Variants in CLYBL observed in about 807,000 individuals in gnomAD.
CLYBL encodes citramalyl-CoA lyase, mitochondrial.
Under a neutral mutation model 38.9 loss-of-function variants are expected in CLYBL, and 31 were observed. That is an observed-to-expected ratio of 0.80 (90% confidence interval 0.60 to 1.08). The LOEUF is 1.08. Ranked by LOEUF, CLYBL falls within the 50% of genes least tolerant of loss-of-function variation. The pLI, the probability that CLYBL is intolerant of heterozygous loss-of-function variation, is 0.00. For synonymous variants in CLYBL, 171 were observed against 158.6 expected, an observed-to-expected ratio of 1.08 and a Z score of -0.59; for missense variants, 434 against 411.6, an observed-to-expected ratio of 1.05 and a Z score of -0.47.
intron 2 of CLYBL, among the ~76,000 whole-genome samples, chr13:99,801,169 G>A (rs1172527466): frequency 6.6e-6 from 1 of 152,200 alleles, no homozygotes; most frequent in African/African-American, 2.4e-5. Context: ...CCCTGTTGGA[G>A]TGCCCCAGTC....
intron 7 of CLYBL, among the ~76,000 whole-genome samples, chr13:99,884,148 C>G (rs190492533): frequency 6.6e-6 from 1 of 152,122 alleles, no homozygotes; most frequent in African/African-American, 2.4e-5. Context: ...ACACTGGCCC[C>G]GACATTACCA....
At chr13:99,788,958 G>T (rs1037204447) in intron 2 of CLYBL, among the ~76,000 whole-genome samples, 1 of 151,604 alleles carries the variant, frequency 6.6e-6, no homozygotes, top group Non-Finnish European at 1.5e-5. Context: ...GAATTTATCC[G>T]TTTCTTCTAG....
intron 7 of CLYBL, among the ~76,000 whole-genome samples, chr13:99,888,223 A>G (rs1594248404): frequency 6.6e-6 from 1 of 152,152 alleles, no homozygotes; most frequent in South Asian, 2.1e-4. Context: ...TAGAGTTAAC[A>G]CTACTGAACT....
chr13:99,756,476 C>T (rs962470809), intron 1 of CLYBL, among the ~76,000 whole-genome samples: 4 of 152,136 alleles, frequency 2.6e-5, no homozygotes, highest in African/African-American at 9.7e-5. Context: ...GGAATGTGGC[C>T]TGGTGTTTTA....
rs561902550 is a variant in CLYBL, at chr13:99,715,031, T to C, written c.63-57793T>C. ...TGTGTATGGAACTGATGGGCCTCACTGTAAGGTTATCAGCTGGGGGCCCAC... is the reference window on the plus strand; with the variant it reads ...TGTGTATGGAACTGATGGGCCTCACCGTAAGGTTATCAGCTGGGGGCCCAC... On this transcript the variant is annotated intron_variant, in intron 1 of 8. Transcript: ENST00000339105. Among the ~76,000 whole-genome samples, 3 of 152,274 alleles carry C rather than the reference T, an allele frequency of 2.0e-5. No individual in the cohort carries two copies. In the East Asian group the frequency reaches 5.8e-4, roughly 29 times the overall value.
intron 2 of CLYBL, among the ~76,000 whole-genome samples, chr13:99,848,816 C>A (rs1486662057): frequency 2.0e-5 from 3 of 152,158 alleles, no homozygotes; most frequent in Non-Finnish European, 4.4e-5. Flanking sequence ...CAACCACAGA[C>A]AAATCTGAGC....
intron 1 of CLYBL, among the ~76,000 whole-genome samples, chr13:99,695,525 T>C (rs1217079622): frequency 6.6e-6 from 1 of 152,066 alleles, no homozygotes; most frequent in Non-Finnish European, 1.5e-5. Flanking sequence ...ATTTTTTTTT[T>C]CCTTTTTGTT....
At chr13:99,639,176 C>T (rs747626413) in intron 1 of CLYBL, among the ~76,000 whole-genome samples, 1 of 152,066 alleles carries the variant, frequency 6.6e-6, no homozygotes, top group East Asian at 1.9e-4. Context: ...ATTTATCATC[C>T]TAATCTGGAT....
At chr13:99,819,557 G>A (rs1238577142) in intron 2 of CLYBL, among the ~76,000 whole-genome samples, 1 of 149,308 alleles carries the variant, frequency 6.7e-6, no homozygotes, top group Non-Finnish European at 1.5e-5. Flanking sequence ...GGCTAACGTG[G>A]TTAGGGAGGC....
chr13:99,651,946 A>G (rs1594102378), intron 1 of CLYBL, among the ~76,000 whole-genome samples: 2 of 149,372 alleles, frequency 1.3e-5, no homozygotes, highest in African/African-American at 5.0e-5. Context: ...GGAAAAAAAG[A>G]TTCTTGGTTG....
intron 7 of CLYBL, among the ~76,000 whole-genome samples, chr13:99,881,125 T>A (rs928451973): frequency 3.9e-5 from 6 of 152,176 alleles, no homozygotes; most frequent in Non-Finnish European, 7.3e-5. Context: ...AAAGGGCTTC[T>A]CCATCAAAGG....
At chr13:99,862,739 C>T (rs2051637747) in intron 3 of CLYBL, among the ~76,000 whole-genome samples, 1 of 152,174 alleles carries the variant, frequency 6.6e-6, no homozygotes, top group Admixed American at 6.5e-5. Context: ...GTTCTAACTC[C>T]TAGGCCTCAA....
chr13:99,764,327 T>C (rs1036427412), intron 1 of CLYBL, among the ~76,000 whole-genome samples: 2 of 152,128 alleles, frequency 1.3e-5, no homozygotes, highest in Non-Finnish European at 2.9e-5. Flanking sequence ...ATATTTGTTA[T>C]TTAAATGTTT....
chr13:99,644,635 C>T (rs753089510), intron 1 of CLYBL, among the ~76,000 whole-genome samples: 4 of 152,166 alleles, frequency 2.6e-5, no homozygotes, highest in Non-Finnish European at 2.9e-5. Context: ...TTTTTGTACT[C>T]ATTAACCATC....
chr13:99,721,118 A>T (rs568580383), intron 1 of CLYBL, among the ~76,000 whole-genome samples: 1 of 147,894 alleles, frequency 6.8e-6, no homozygotes, highest in East Asian at 2.0e-4. Context: ...ATATCTGCCC[A>T]CTGCAACCTC....
intron 2 of CLYBL, among the ~76,000 whole-genome samples, chr13:99,820,852 GTTA>G (rs1330361658): frequency 6.6e-6 from 1 of 152,146 alleles, no homozygotes; most frequent in African/African-American, 2.4e-5. Flanking sequence ...TCCATCCTGT[GTTA>G]TTAAGTGAAA....
At chr13:99,728,570 C>CT (rs879726357) in intron 1 of CLYBL, among the ~76,000 whole-genome samples, 219 of 142,338 alleles carry the variant, frequency 1.5e-3, no homozygotes, top group East Asian at 3.7e-3. Context: ...GAGCCAACTT[C>CT]TTTTTTTTTT....
At chr13:99,794,618 G>A (rs2049986490) in intron 2 of CLYBL, among the ~76,000 whole-genome samples, 1 of 39,402 alleles carries the variant, frequency 2.5e-5, no homozygotes, top group African/African-American at 1.6e-4. Context: ...TTGAGATGGA[G>A]TCATATGCTG....
rs140956648 is a variant in CLYBL, at chr13:99,647,649, C to T, written c.62+40892C>T. Among the ~76,000 whole-genome samples the T allele has an allele frequency of 7.4e-4, 113 of 152,292 alleles. 1 individual carries two copies. Among genetic ancestry groups the T allele is most frequent in the African/African-American group, 2.6e-3 (110 of 41,552 alleles). ...GATAACAGCCGTCAATTTTTCCACT[C>T]GAGTGTTTTTCCAAAGGGCAGAGGG... is the stretch of plus-strand genomic sequence containing the variant. On this transcript the variant is annotated intron_variant, in intron 1 of 8. Transcript: ENST00000339105.
Sources: allele counts gnomAD v4.1 joint callset (sites outside exome capture counted in the v4.1 genomes callset), GRCh38; gene constraint gnomAD v4.1.1; transcripts MANE v1.5; gene names NCBI Gene and HGNC (gene_info 2026-07-23, HGNC 2026-07-21).